The following KCNG2 variants were observed in gnomAD, a reference collection of about 807,000 sequenced individuals.
The protein encoded by KCNG2 is potassium voltage-gated channel modifier subfamily G member 2.
A neutral mutation model predicts 12.3 loss-of-function variants in KCNG2; 7 were observed. That is an observed-to-expected ratio of 0.57 (90% confidence interval 0.32 to 1.07). The LOEUF is 1.07. Among genes scored for constraint, KCNG2 ranks in the 50% least tolerant of loss-of-function variants. The pLI, the probability that KCNG2 is intolerant of heterozygous loss-of-function variation, is 0.04. For synonymous variants in KCNG2, 414 were observed against 351.4 expected, an observed-to-expected ratio of 1.18 and a Z score of -1.99; for missense variants, 703 against 726.0, an observed-to-expected ratio of 0.97 and a Z score of 0.36.
At chr18:79,817,359 TCACA>T (rs1303630907) in intron 1 of KCNG2, among the ~76,000 whole-genome samples, 1 of 152,228 alleles carries the variant, frequency 6.6e-6, no homozygotes, top group African/African-American at 2.4e-5. Flanking sequence ...CACATGGATG[TCACA>T]CACAGTTGTC....
chr18:79,868,180 A>C (rs1979685870), intron 3 of KCNG2, among the ~76,000 whole-genome samples: 1 of 152,210 alleles, frequency 6.6e-6, no homozygotes, highest in Non-Finnish European at 1.5e-5. Flanking sequence ...CCCCAGGAAC[A>C]CCAGCCCTAA....
At chr18:79,825,910 T>A (rs900019940) in intron 1 of KCNG2, among the ~76,000 whole-genome samples, 19 of 152,248 alleles carry the variant, frequency 1.2e-4, no homozygotes, top group African/African-American at 4.6e-4. Context: ...CGTCTGCCCA[T>A]GGACGGCAGG....
rs962849964 is a variant in KCNG2, at chr18:79,827,836, T to C, written c.-114-28543T>C. ...AGAGACAAAAACAGTTTTAACAATG[T>C]ACCAATTATAATCCTTTTACCTATA... is the stretch of plus-strand genomic sequence containing the variant. On this transcript the variant is annotated intron_variant, in intron 1 of 3. Transcript: ENST00000316249. Among the ~76,000 whole-genome samples, 5 of 152,328 alleles carry C rather than the reference T, an allele frequency of 3.3e-5. No individual in the cohort carries two copies. In the South Asian group the frequency reaches 8.3e-4, roughly 25 times the overall value.
At position 79,870,158 on chromosome 18, in the gene KCNG2, C is replaced by T. The variant is rs376954566; in HGVS notation, c.624+5867C>T. 3.9e-5 allele frequency among the ~76,000 whole-genome samples: 6 copies of T among 152,262 alleles called. No individual in the cohort carries two copies. In the East Asian group the frequency reaches 1.2e-3, roughly 29 times the overall value. On this transcript the variant is annotated intron_variant, in intron 3 of 3. Transcript: ENST00000316249. Reference sequence around the variant, plus strand: ...TACTGGAGGAGGCCGAGCGACCTCTCTTCTCCCCACCGTCTGCTCCCAGAC... The same window carrying T: ...TACTGGAGGAGGCCGAGCGACCTCTTTTCTCCCCACCGTCTGCTCCCAGAC...
chr18:79,841,959 G>A (rs558857944), intron 1 of KCNG2, among the ~76,000 whole-genome samples: 3 of 152,296 alleles, frequency 2.0e-5, no homozygotes, highest in South Asian at 4.1e-4. Context: ...AGAACGAAGC[G>A]AGCACTCAAC....
intron 1 of KCNG2, among the ~76,000 whole-genome samples, chr18:79,833,536 C>T (rs1237281922): frequency 6.6e-6 from 1 of 152,146 alleles, no homozygotes; most frequent in Admixed American, 6.5e-5. Context: ...AGCATCATGT[C>T]TGAGAAGTAA....
At chr18:79,843,767 A>G (rs894909811) in intron 1 of KCNG2, among the ~76,000 whole-genome samples, 1 of 152,224 alleles carries the variant, frequency 6.6e-6, no homozygotes, top group African/African-American at 2.4e-5. Context: ...AGCATACGCT[A>G]TGAAAAAATT....
intron 1 of KCNG2, among the ~76,000 whole-genome samples, chr18:79,804,037 A>G (rs1288639125): frequency 6.6e-6 from 1 of 152,152 alleles, no homozygotes; most frequent in Non-Finnish European, 1.5e-5. Context: ...AAAGTGCTGC[A>G]TGGCACTGAA....
At chr18:79,829,652 T>G (rs1013235190) in intron 1 of KCNG2, among the ~76,000 whole-genome samples, 1 of 152,132 alleles carries the variant, frequency 6.6e-6, no homozygotes, top group Non-Finnish European at 1.5e-5. Context: ...CTCACACCGG[T>G]CAGCCTCTGC....
chr18:79,817,004 T>C (rs2087533866), intron 1 of KCNG2, among the ~76,000 whole-genome samples: 1 of 151,866 alleles, frequency 6.6e-6, no homozygotes, highest in Non-Finnish European at 1.5e-5. Flanking sequence ...CACATGGTTG[T>C]CACACGGCTG....
At chr18:79,809,225 G>T (rs376408884) in intron 1 of KCNG2, among the ~76,000 whole-genome samples, 37 of 26,542 alleles carry the variant, frequency 1.4e-3, no homozygotes, top group East Asian at 3.1e-3. Flanking sequence ...TGCCGGGGCC[G>T]CGCTGACCAC....
rs1979310434 is a variant in KCNG2, at chr18:79,863,614, C to T, written c.-40-14C>T. 8.4e-7 allele frequency: 1 copy of T among 1,192,620 alleles called. No individual in the cohort carries two copies. The highest frequency in any genetic ancestry group is 1.0e-6 in the Non-Finnish European group (1 of 961,016). 73.9% of individuals were successfully genotyped at this position (1,192,620 alleles called of 1,614,324 possible). ...CAGCCCTCGCGACCCTAACGCGGTC[C>T]GTTCCTTTTGCAGGAGCCGGGCAGG... On this transcript the variant is annotated splice_polypyrimidine_tract_variant and intron_variant, in intron 2 of 3. Coordinates refer to ENST00000316249, the MANE Select transcript of KCNG2 (RefSeq NM_012283.2).
chr18:79,828,877 C>T (rs1395729568), intron 1 of KCNG2, among the ~76,000 whole-genome samples: 13 of 115,434 alleles, frequency 1.1e-4, no homozygotes, highest in South Asian at 3.1e-4. Context: ...TCTATGTGTG[C>T]GTGTATGTAA....
chr18:79,899,417 G>A lies in KCNG2; in HGVS notation c.1002G>A (p.Ala334=), dbSNP rs769554137. 12 of 1,586,808 alleles carry A rather than the reference G, an allele frequency of 7.6e-6. No homozygotes were observed. The highest frequency in any genetic ancestry group is 3.4e-5 in the South Asian group (3 of 88,420). ...LLLLFLCVAM[A]LFAPLVHLAE... ...TGCTGTTCCTCTGCGTGGCCATGGCGCTCTTCGCGCCACTGGTGCACCTGG... is the reference window on the plus strand; with the variant it reads ...TGCTGTTCCTCTGCGTGGCCATGGCACTCTTCGCGCCACTGGTGCACCTGG... The change falls in exon 4 of 4, where the codon GCG becomes GCA. Residue 334 remains alanine, a synonymous_variant. Coordinates refer to ENST00000316249, the MANE Select transcript of KCNG2 (RefSeq NM_012283.2).
At chr18:79,799,863 G>A (rs1190083659) in intron 1 of KCNG2, among the ~76,000 whole-genome samples, 1 of 152,192 alleles carries the variant, frequency 6.6e-6, no homozygotes, top group Non-Finnish European at 1.5e-5. Flanking sequence ...TGCGGCTGGG[G>A]CTGCATGGCT....
At chr18:79,897,188 T>C (rs886629501) in intron 3 of KCNG2, among the ~76,000 whole-genome samples, 1 of 152,190 alleles carries the variant, frequency 6.6e-6, no homozygotes, top group African/African-American at 2.4e-5. Context: ...TCTCCTCTCC[T>C]TGGGTATTCC....
intron 3 of KCNG2, among the ~76,000 whole-genome samples, chr18:79,876,497 G>T (rs1187587601): frequency 1.3e-5 from 2 of 152,256 alleles, no homozygotes; most frequent in Non-Finnish European, 2.9e-5. Flanking sequence ...GACAGGGGCT[G>T]CAGGTGCTGA....
chr18:79,887,419 C>G (rs372935507), intron 3 of KCNG2, among the ~76,000 whole-genome samples: 49 of 152,212 alleles, frequency 3.2e-4, no homozygotes, highest in African/African-American at 1.2e-3. Context: ...ATGCCCTGTG[C>G]TGCTTCCTCT....
Position 79,872,101 on chromosome 18 carries a change from C to T in KCNG2, c.624+7810C>T, listed in dbSNP as rs138655129. 4.3e-4 allele frequency among the ~76,000 whole-genome samples: 66 copies of T among 152,178 alleles called. 1 individual carries two copies. In the East Asian group the frequency reaches 0.011, roughly 26 times the overall value. ...GCAGAGGCTCGTGGAGGCCTGCAAA[C>T]GGCAGGGCCTGGAAACTCCATGGGC... On this transcript the variant is annotated intron_variant, in intron 3 of 3. Transcript: ENST00000316249.
Sources: allele counts gnomAD v4.1 joint callset (sites outside exome capture counted in the v4.1 genomes callset), GRCh38; gene constraint gnomAD v4.1.1; transcripts MANE v1.5; gene names NCBI Gene and HGNC (gene_info 2026-07-23, HGNC 2026-07-21).